The following LMNTD1 variants were observed in gnomAD, a reference collection of about 807,000 sequenced individuals.
LMNTD1 encodes lamin tail domain-containing protein 1.
LMNTD1 carries 35 observed loss-of-function variants against 50.9 expected under a neutral mutation model. That is an observed-to-expected ratio of 0.69 (90% CI 0.53 to 0.91). The LOEUF is 0.91. LMNTD1 is among the 40% of genes least tolerant of loss of function. The pLI, the probability that LMNTD1 is intolerant of heterozygous loss-of-function variation, is 0.00. For missense variants in LMNTD1, 470 were observed against 475.5 expected, an observed-to-expected ratio of 0.99 and a Z score of 0.11; for synonymous variants, 153 against 161.9, an observed-to-expected ratio of 0.94 and a Z score of 0.42.
intron 1 of LMNTD1, among the ~76,000 whole-genome samples, chr12:25,619,208 T>C (rs278994): frequency 0.07 from 10,308 of 146,618 alleles, 545 homozygotes; most frequent in Middle Eastern, 0.12. Flanking sequence ...AAGGGATACA[T>C]GCTTTTCAAC....
At chr12:25,634,401 G>T (rs925766686) in intron 1 of LMNTD1, among the ~76,000 whole-genome samples, 2 of 152,028 alleles carry the variant, frequency 1.3e-5, no homozygotes, top group African/African-American at 4.8e-5. Context: ...ACTACAGACC[G>T]ATATCCTTGA....
At chr12:25,647,837 T>TG (rs1487255176) in intron 1 of LMNTD1, among the ~76,000 whole-genome samples, 1 of 152,256 alleles carries the variant, frequency 6.6e-6, no homozygotes, top group Non-Finnish European at 1.5e-5. Context: ...TATTACAGAT[T>TG]GGTAAAAACA....
chr12:25,642,973 C>T (rs935514656), intron 1 of LMNTD1, among the ~76,000 whole-genome samples: 1 of 152,188 alleles, frequency 6.6e-6, no homozygotes. Flanking sequence ...GGTCAGTATG[C>T]ATTCAACAAT....
rs1475436534 is a variant in LMNTD1, at chr12:25,549,365, C to T, written c.271G>A (p.Ala91Thr). 5.0e-6 allele frequency: 8 copies of T among 1,611,946 alleles called. No homozygotes were observed. In the South Asian group the frequency reaches 8.8e-5, roughly 18 times the overall value. Reference sequence around the variant, plus strand: ...ACTCTGGAACAGCTACCTACAGTAGCTTTAGAAGTCAATTGTCCAGTTGTT... The same window carrying T: ...ACTCTGGAACAGCTACCTACAGTAGTTTTAGAAGTCAATTGTCCAGTTGTT... ...ISTTGQLTSK[A>T]TVGSCSRVEN... The change falls in exon 3 of 10, where the codon GCT becomes ACT. Residue 91 changes from alanine to threonine, a missense_variant. Ala to Thr is a moderately conservative substitution (Grantham distance 58). Transcript: ENST00000458174.
chr12:25,617,865 G>A (rs1371201649), intron 1 of LMNTD1, among the ~76,000 whole-genome samples: 4 of 152,312 alleles, frequency 2.6e-5, no homozygotes, highest in South Asian at 2.1e-4. Context: ...CAGAGCAGGT[G>A]AAATCTGAAG....
intron 8 of LMNTD1, among the ~76,000 whole-genome samples, chr12:25,514,633 TTAATTG>T (rs1350479874): frequency 1.3e-5 from 2 of 152,052 alleles, no homozygotes; most frequent in Non-Finnish European, 2.9e-5. Context: ...CAATAATAAC[TTAATTG>T]TACATTTTAA....
intron 9 of LMNTD1, among the ~76,000 whole-genome samples, chr12:25,499,210 T>A (rs750582278): frequency 1.1e-4 from 17 of 152,154 alleles, no homozygotes; most frequent in Non-Finnish European, 2.1e-4. Flanking sequence ...TAACTGGGAC[T>A]ACAGCCAGGT....
At chr12:25,576,612 A>G (rs1475158553) in intron 1 of LMNTD1, among the ~76,000 whole-genome samples, 1 of 152,084 alleles carries the variant, frequency 6.6e-6, no homozygotes, top group Admixed American at 6.6e-5. Context: ...AGATGGGAAG[A>G]TTGTAAAAAT....
chr12:25,557,363 C>T (rs1319597215), upstream of LMNTD1: 3 of 152,180 alleles, frequency 2.0e-5, no homozygotes, highest in Non-Finnish European at 4.4e-5. Flanking sequence ...TTCCCAATCA[C>T]AAAATCCTGT....
At chr12:25,516,257 A>G (rs1591870742) in intron 8 of LMNTD1, among the ~76,000 whole-genome samples, 1 of 152,198 alleles carries the variant, frequency 6.6e-6, no homozygotes, top group Admixed American at 6.5e-5. Context: ...GTAACGATGT[A>G]TAAAGACTTT....
intron 5 of LMNTD1, among the ~76,000 whole-genome samples, chr12:25,526,488 C>G (rs1024769321): frequency 6.6e-6 from 1 of 152,006 alleles, no homozygotes; most frequent in Non-Finnish European, 1.5e-5. Context: ...TTTATATTTA[C>G]TTGGTTTCAG....
In LMNTD1 at chr12:25,539,584, G is replaced by A. The variant is rs994718411; in HGVS notation, c.491+6790C>T. Among the ~76,000 whole-genome samples, 31 of 151,652 alleles carry A rather than the reference G, an allele frequency of 2.0e-4. 1 individual carries two copies. The highest frequency in any genetic ancestry group is 1.5e-5 in the Non-Finnish European group (1 of 67,946). The stretch of plus-strand genomic sequence containing the variant: ...GGACGCATTCAAAGCAGTGTGTAGA[G>A]GGAAATTTATAGCACTAAATGCCCA... On this transcript the variant is annotated intron_variant, in intron 4 of 9. Transcript: ENST00000458174.
intron 1 of LMNTD1, among the ~76,000 whole-genome samples, chr12:25,593,532 A>G (rs1014853270): frequency 6.6e-6 from 1 of 152,174 alleles, no homozygotes; most frequent in Non-Finnish European, 1.5e-5. Context: ...TTAAGGGACC[A>G]TCCCATGGGA....
intron 1 of LMNTD1, among the ~76,000 whole-genome samples, chr12:25,566,156 T>G (rs546110326): frequency 8.5e-5 from 13 of 152,274 alleles, no homozygotes; most frequent in African/African-American, 2.4e-4. Flanking sequence ...GAAGTCCTTT[T>G]TAATTATCCC....
chr12:25,547,601 G>A (rs952376502), intron 3 of LMNTD1, among the ~76,000 whole-genome samples: 2 of 151,358 alleles, frequency 1.3e-5, no homozygotes, highest in African/African-American at 2.4e-5. Context: ...TAAAATCATC[G>A]TTTTTAAAGC....
At chr12:25,641,687 A>G (rs962752778) in intron 1 of LMNTD1, among the ~76,000 whole-genome samples, 6 of 152,138 alleles carry the variant, frequency 3.9e-5, no homozygotes, top group African/African-American at 1.2e-4. Context: ...TAAAGTGTAT[A>G]TTTCATATGT....
At chr12:25,539,119 A>C (rs1942854947) in intron 4 of LMNTD1, among the ~76,000 whole-genome samples, 1 of 148,430 alleles carries the variant, frequency 6.7e-6, no homozygotes, top group South Asian at 2.2e-4. Flanking sequence ...CCACACATTA[A>C]TAATGGGAGA....
At chr12:25,623,131 A>G (rs1768501896) in intron 1 of LMNTD1, among the ~76,000 whole-genome samples, 1 of 152,120 alleles carries the variant, frequency 6.6e-6, no homozygotes, top group African/African-American at 2.4e-5. Flanking sequence ...AGAAAACTCT[A>G]TCGTTTCCTG....
intron 1 of LMNTD1, among the ~76,000 whole-genome samples, chr12:25,644,354 A>G (rs11048142): frequency 0.61 from 90,580 of 148,448 alleles, 28,163 homozygotes; most frequent in Non-Finnish European, 0.68. Context: ...GCATGGTGGC[A>G]TGTGCCTGTG....
Sources: allele counts gnomAD v4.1 joint callset (sites outside exome capture counted in the v4.1 genomes callset), GRCh38; gene constraint gnomAD v4.1.1; transcripts MANE v1.5; gene names NCBI Gene and HGNC (gene_info 2026-07-23, HGNC 2026-07-21).